The following EXOC4 variants were observed in gnomAD, a reference collection of about 807,000 sequenced individuals.
EXOC4 encodes exocyst complex component 4.
Under a neutral mutation model 107.2 loss-of-function variants are expected in EXOC4, and 71 were observed. The ratio of observed to expected loss-of-function variants is 0.66; its 90% CI spans 0.55 to 0.81. EXOC4 has a LOEUF of 0.81. Ranked by LOEUF, EXOC4 falls within the 30% of genes least tolerant of loss-of-function variation. The probability of loss-of-function intolerance (pLI) is 0.00; values close to 1 mark genes in which losing one functional copy is unlikely to be tolerated. For missense variants in EXOC4, 1,108 were observed against 1,189.6 expected, an observed-to-expected ratio of 0.93 and a Z score of 1.01; for synonymous variants, 456 against 441.2, an observed-to-expected ratio of 1.03 and a Z score of -0.42.
chr7:133,527,139 C>T (rs896852173), intron 9 of EXOC4, among the ~76,000 whole-genome samples: 1 of 151,954 alleles, frequency 6.6e-6, no homozygotes, highest in Non-Finnish European at 1.5e-5. Context: ...CCCAGTGGTT[C>T]ACGCCTGTAA....
intron 17 of EXOC4, among the ~76,000 whole-genome samples, chr7:134,039,235 A>C (rs1795459686): frequency 6.6e-6 from 1 of 152,186 alleles, no homozygotes; most frequent in Non-Finnish European, 1.5e-5. Flanking sequence ...ATAGGAGTAT[A>C]AACCATGTAC....
chr7:133,609,315 G>A (rs1359549225), intron 9 of EXOC4, among the ~76,000 whole-genome samples: 5 of 152,166 alleles, frequency 3.3e-5, no homozygotes, highest in African/African-American at 1.2e-4. Flanking sequence ...AATTGAACTT[G>A]TAGCTGTTCC....
intron 4 of EXOC4, among the ~76,000 whole-genome samples, chr7:133,312,343 A>T (rs997967355): frequency 6.6e-6 from 1 of 152,194 alleles, no homozygotes; most frequent in Non-Finnish European, 1.5e-5. Flanking sequence ...TTAAATATGT[A>T]TACTTTATAT....
intron 11 of EXOC4, among the ~76,000 whole-genome samples, chr7:133,853,740 C>T (rs1489629774): frequency 6.6e-6 from 1 of 152,120 alleles, no homozygotes; most frequent in African/African-American, 2.4e-5. Context: ...CTTCCCCATG[C>T]TCATGTTTGT....
chr7:133,941,887 AC>A (rs1800440119), intron 14 of EXOC4, among the ~76,000 whole-genome samples: 1 of 139,634 alleles, frequency 7.2e-6, no homozygotes, highest in South Asian at 2.2e-4. Context: ...TGCATTCATC[AC>A]AATTTCAACC....
intron 10 of EXOC4, among the ~76,000 whole-genome samples, chr7:133,721,002 T>C (rs1212392059): frequency 6.6e-6 from 1 of 152,226 alleles, no homozygotes; most frequent in Admixed American, 6.5e-5. Context: ...AATTTTGCTC[T>C]ATTCCTTTTG....
intron 9 of EXOC4, among the ~76,000 whole-genome samples, chr7:133,550,363 G>A (rs1800562138): frequency 6.6e-6 from 1 of 152,036 alleles, no homozygotes; most frequent in Admixed American, 6.6e-5. Context: ...TTAAATATCA[G>A]GCCCTGTTTA....
intron 5 of EXOC4, among the ~76,000 whole-genome samples, chr7:133,354,797 C>T (rs930377251): frequency 3.3e-5 from 5 of 152,276 alleles, no homozygotes; most frequent in African/African-American, 1.2e-4. Flanking sequence ...TAGGTAGCTA[C>T]TTTGGTAAGA....
intron 9 of EXOC4, among the ~76,000 whole-genome samples, chr7:133,573,781 A>C (rs1801072602): frequency 6.6e-6 from 1 of 152,162 alleles, no homozygotes; most frequent in African/African-American, 2.4e-5. Flanking sequence ...GGCCTCACAA[A>C]GTGCTGGGAT....
At chr7:133,715,169 A>G (rs977547727) in intron 10 of EXOC4, among the ~76,000 whole-genome samples, 3 of 152,086 alleles carry the variant, frequency 2.0e-5, no homozygotes, top group Non-Finnish European at 2.9e-5. Context: ...ATTCCAAACT[A>G]GTATATGTTT....
chr7:133,746,755 C>T (rs1449557493), intron 10 of EXOC4, among the ~76,000 whole-genome samples: 1 of 152,128 alleles, frequency 6.6e-6, no homozygotes, highest in African/African-American at 2.4e-5. Flanking sequence ...AATGCAGAAA[C>T]CTTCTCATCT....
chr7:133,888,333 G>C (rs564246597), intron 11 of EXOC4, among the ~76,000 whole-genome samples: 9 of 152,252 alleles, frequency 5.9e-5, no homozygotes, highest in Admixed American at 2.0e-4. Flanking sequence ...GACTGGAAAA[G>C]TATTTTTTAA....
chr7:133,576,537 G>A, intron 9 of EXOC4: 1 of 1,289,472 alleles, frequency 7.8e-7, no homozygotes, highest in South Asian at 1.2e-5. Context: ...GTAACAGCAA[G>A]CAAAACCAAA....
chr7:133,920,889 A>G (rs184512628), intron 13 of EXOC4, among the ~76,000 whole-genome samples: 7 of 152,158 alleles, frequency 4.6e-5, no homozygotes, highest in Admixed American at 1.3e-4. Context: ...GAAAGTGTTT[A>G]TTTTTTCTTC....
chr7:133,479,791 T>A, intron 8 of EXOC4: 1 of 441,744 alleles, frequency 2.3e-6, no homozygotes, highest in Non-Finnish European at 4.2e-6. Context: ...TTGGGACAGA[T>A]CACAGTTGTA....
intron 17 of EXOC4, among the ~76,000 whole-genome samples, chr7:134,018,114 C>T (rs1794951347): frequency 1.3e-5 from 2 of 152,108 alleles, no homozygotes; most frequent in South Asian, 4.1e-4. Flanking sequence ...AGTTAATTAA[C>T]CCACCCAGGG....
intron 9 of EXOC4, among the ~76,000 whole-genome samples, chr7:133,590,682 C>T (rs918603909): frequency 2.0e-5 from 3 of 152,224 alleles, no homozygotes; most frequent in East Asian, 1.9e-4. Context: ...TGGGGATGGC[C>T]GAACCTCTGG....
intron 9 of EXOC4, among the ~76,000 whole-genome samples, chr7:133,511,346 CA>C (rs904894161): frequency 1.3e-5 from 2 of 151,322 alleles, no homozygotes; most frequent in Non-Finnish European, 1.5e-5. Context: ...TTTCTAGGGG[CA>C]AAAAAAATAT....
intron 9 of EXOC4, among the ~76,000 whole-genome samples, chr7:133,532,093 G>A (rs1295920391): frequency 6.6e-6 from 1 of 152,034 alleles, no homozygotes; most frequent in African/African-American, 2.4e-5. Flanking sequence ...TCTACTTGTA[G>A]TGTCGTAACG....
Sources: gnomAD v4.1 joint callset for allele counts (sites outside exome capture counted in the v4.1 genomes callset) on GRCh38, gnomAD v4.1.1 for gene constraint, MANE v1.5 for transcripts, NCBI Gene and HGNC (gene_info 2026-07-23, HGNC 2026-07-21) for gene names.